KANK1: variants seen among roughly 807,000 people sequenced by gnomAD.
The protein encoded by KANK1 is KN motif and ankyrin repeat domains 1.
In KANK1, 109 loss-of-function variants were observed where a neutral mutation model predicts 106.2. The ratio of observed to expected loss-of-function variants is 1.03; its 90% CI spans 0.88 to 1.20. KANK1 has a LOEUF of 1.20. KANK1 is among the 50% of genes most tolerant of loss of function. KANK1 has a pLI of 0.00. For synonymous variants in KANK1, 873 were observed against 652.2 expected, an observed-to-expected ratio of 1.34 and a Z score of -5.16; for missense variants, 2,399 against 1,710.7, an observed-to-expected ratio of 1.40 and a Z score of -7.10.
chr9:742,113 A>C, intron 9 of KANK1, 92 bp from the exon 10 acceptor site: 1 of 1,088,938 alleles, frequency 9.2e-7, no homozygotes, highest in Non-Finnish European at 1.4e-6. Flanking sequence ...CTGTCACCAC[A>C]CTCTTCCCCC....
chr9:573,283 T>TTATTA (rs1215010406), intron 1 of KANK1, among the ~76,000 whole-genome samples: 24 of 151,926 alleles, frequency 1.6e-4, no homozygotes, highest in Non-Finnish European at 2.9e-4. Context: ...TATTATTATT[T>TTATTA]TTTTGAGACA....
chr9:600,250 G>T (rs1565794), intron 1 of KANK1, among the ~76,000 whole-genome samples: 53,935 of 150,890 alleles, frequency 0.36, 11,363 homozygotes, highest in South Asian at 0.55. Flanking sequence ...CTGTAATTTT[G>T]ACTATTCTAG....
intron 7 of KANK1, among the ~76,000 whole-genome samples, chr9:735,498 GCA>G (rs1164000676): frequency 1.3e-5 from 2 of 152,108 alleles, no homozygotes; most frequent in Non-Finnish European, 2.9e-5. Context: ...GAAGTTATGT[GCA>G]CATTCTTTCA....
chr9:549,075 CTTTT>C (rs2061111181), intron 1 of KANK1: 1 of 151,674 alleles, frequency 6.6e-6, no homozygotes, highest in South Asian at 2.1e-4. Context: ...TCTAAAGTTT[CTTTT>C]CTTTTTTTTT....
chr9:524,223 C>T (rs1246787919), intron 1 of KANK1, among the ~76,000 whole-genome samples: 1 of 151,826 alleles, frequency 6.6e-6, no homozygotes, highest in East Asian at 1.9e-4. Flanking sequence ...CTTCAACTTG[C>T]TGGTGAAGTA....
chr9:687,693 T>A (rs16922562), intron 2 of KANK1, among the ~76,000 whole-genome samples: 1,724 of 152,298 alleles, frequency 0.011, 29 homozygotes, highest in African/African-American at 0.039. Context: ...ATCCTTCAAG[T>A]CTTGCTGCCT....
At chr9:509,967 A>G (rs2058956977) in intron 1 of KANK1, among the ~76,000 whole-genome samples, 1 of 145,532 alleles carries the variant, frequency 6.9e-6, no homozygotes, top group South Asian at 2.2e-4. Context: ...CACTCAGCTA[A>G]TTTTTCCTTT....
intron 1 of KANK1, among the ~76,000 whole-genome samples, chr9:572,645 C>A (rs1290694376): frequency 1.3e-5 from 2 of 152,124 alleles, no homozygotes; most frequent in African/African-American, 4.8e-5. Flanking sequence ...CCTGCCATGG[C>A]CTCCCAAAGC....
rs1436435619 is a variant in KANK1, at chr9:742,328, G to A, written c.3820G>A (p.Ala1274Thr). The change falls in exon 10 of 12, where the codon GCC (alanine) becomes ACC (threonine). Residue 1274 changes from alanine to threonine, a missense_variant. Transcript: ENST00000382297. ...DDEGSTALMCASEHGHVEIVK... is the reference protein window; with the variant it reads ...DDEGSTALMCTSEHGHVEIVK... ...CGAGGGCTCCACGGCCCTCATGTGT[G>A]CCAGCGAGCACGGACACGTGGAGAT... is the stretch of plus-strand genomic sequence containing the variant. The A allele has an allele frequency of 1.2e-6, 2 of 1,614,018 alleles. No individual in the cohort carries two copies. The highest frequency in any genetic ancestry group is 1.3e-5 in the African/African-American group (1 of 74,938).
chr9:506,283 T>G (rs554737555), intron 1 of KANK1, among the ~76,000 whole-genome samples: 1 of 152,098 alleles, frequency 6.6e-6, no homozygotes, highest in South Asian at 2.1e-4. Flanking sequence ...TGTTACTAGG[T>G]TTGGGGAAAG....
At chr9:533,027 C>T (rs1484715090) in intron 1 of KANK1, among the ~76,000 whole-genome samples, 1 of 152,112 alleles carries the variant, frequency 6.6e-6, no homozygotes, top group Non-Finnish European at 1.5e-5. Flanking sequence ...GGATTTTGTC[C>T]TGCAGTGATG....
chr9:741,072 T>A, intron 9 of KANK1, 138 bp downstream of exon 9: 1 of 899,888 alleles, frequency 1.1e-6, no homozygotes, highest in Non-Finnish European at 1.7e-6. Context: ...CCTGAGTCCA[T>A]ACACTGCCTG....
intron 3 of KANK1, among the ~76,000 whole-genome samples, chr9:726,568 G>A (rs940800882): frequency 3.9e-5 from 6 of 151,986 alleles, no homozygotes; most frequent in African/African-American, 1.5e-4. Context: ...AAACCGGGAA[G>A]GCGCAGGTTG....
At chr9:682,423 C>A (rs1309030840) in intron 2 of KANK1, among the ~76,000 whole-genome samples, 1 of 152,138 alleles carries the variant, frequency 6.6e-6, no homozygotes, top group African/African-American at 2.4e-5. Context: ...CAAACTTAAA[C>A]ACAGTTTCAA....
At chr9:565,817 G>A (rs189772589) in intron 1 of KANK1, among the ~76,000 whole-genome samples, 1 of 152,178 alleles carries the variant, frequency 6.6e-6, no homozygotes, top group Admixed American at 6.5e-5. Flanking sequence ...TACAAATCTT[G>A]TGACTTCCAG....
intron 3 of KANK1, chr9:487,864 C>G (rs2058319387): frequency 6.6e-6 from 1 of 152,176 alleles, no homozygotes; most frequent in African/African-American, 2.4e-5. Flanking sequence ...AGAAGGCAGC[C>G]TGGTACCCCT....
Position 745,937 on chromosome 9 carries a change from G to A in KANK1, c.*702G>A, listed in dbSNP as rs1213404204. 1 of 152,636 alleles carries A rather than the reference G, an allele frequency of 6.6e-6. No individual in the cohort carries two copies. Among genetic ancestry groups the A allele is most frequent in the Non-Finnish European group, 1.5e-5 (1 of 68,050 alleles). 9.5% of individuals were successfully genotyped at this position (152,636 alleles called of 1,614,324 possible). A position where few individuals can be genotyped will look rare whatever the true frequency, so the allele number is the denominator to read the frequency against. ...ACTCCAATGCTAAAGGTTGGATTGT[G>A]TTAGAGGAATCGGCTCTGTATTTGC... is the stretch of plus-strand genomic sequence containing the variant. On this transcript the variant is annotated 3_prime_UTR_variant, in exon 12 of 12. Transcript: ENST00000382297.
chr9:532,732 G>A (rs552181975), intron 1 of KANK1, among the ~76,000 whole-genome samples: 2 of 152,156 alleles, frequency 1.3e-5, no homozygotes, highest in Admixed American at 6.5e-5. Context: ...CACTGTTTTT[G>A]GAATATCTTG....
At chr9:733,754 CCT>C (rs953839259) in intron 6 of KANK1, 1 of 152,060 alleles carries the variant, frequency 6.6e-6, no homozygotes, top group African/African-American at 2.4e-5. Flanking sequence ...AGAGCAAGAC[CCT>C]GTCTCAGAAA....
Sources: allele counts gnomAD v4.1 joint callset (sites outside exome capture counted in the v4.1 genomes callset), GRCh38; gene constraint gnomAD v4.1.1; transcripts MANE v1.5; gene names NCBI Gene and HGNC (gene_info 2026-07-23, HGNC 2026-07-21).